The following MEX3D variants were observed in gnomAD, a reference collection of about 807,000 sequenced individuals.
MEX3D encodes the protein mex-3 RNA binding family member D, also known as RNA-binding protein MEX3D.
A neutral mutation model predicts 6.3 loss-of-function variants in MEX3D; 4 were observed. That is an observed-to-expected ratio of 0.64 (90% CI 0.31 to 1.46). The LOEUF is 1.46. Among genes scored for constraint, MEX3D ranks in the 40% most tolerant of loss-of-function variants. The pLI is 0.07. For missense variants in MEX3D, 1,038 were observed against 994.4 expected, an observed-to-expected ratio of 1.04 and a Z score of -0.59; for synonymous variants, 626 against 494.1, an observed-to-expected ratio of 1.27 and a Z score of -3.54.
intron 1 of MEX3D, among the ~76,000 whole-genome samples, chr19:1,557,629 G>A (rs566163684): frequency 2.7e-5 from 4 of 149,506 alleles, no homozygotes; most frequent in Non-Finnish European, 5.9e-5. Flanking sequence ...GGGAGGCCAA[G>A]TTGGGTGGAT....
chr19:1,564,425 A>AG (rs1360937779), intron 1 of MEX3D, among the ~76,000 whole-genome samples: 15 of 147,750 alleles, frequency 1.0e-4, no homozygotes, highest in Admixed American at 2.8e-4. Flanking sequence ...CCCACATACT[A>AG]GGGGGGCTGA....
Position 1,568,072 on chromosome 19 carries a change from G to T in MEX3D, c.-14C>A. 1.0e-6 allele frequency: 1 copy of T among 978,660 alleles called. No individual in the cohort carries two copies. The highest frequency in any genetic ancestry group is 1.2e-6 in the Non-Finnish European group (1 of 827,776). The allele number at this position is 978,660 out of a possible 1,614,324, so 60.6% of individuals were successfully genotyped here. ...CGAGCTGGGCATGGCGGGAGCTAGC[G>T]CTGGGGCCCGCGCTCCTGCCGCCCG... On this transcript the variant is annotated 5_prime_UTR_variant, in exon 1 of 2. Transcript: ENST00000402693.
intron 1 of MEX3D, among the ~76,000 whole-genome samples, chr19:1,559,546 G>A (rs1483463101): frequency 2.6e-5 from 4 of 152,214 alleles, no homozygotes; most frequent in Non-Finnish European, 5.9e-5. Flanking sequence ...GATGACAGGT[G>A]TGGGCCACTG....
In MEX3D at chr19:1,556,135, G is replaced by A. The variant is rs1306126048; in HGVS notation, c.1384C>T (p.Leu462=). 6.1e-6 allele frequency: 9 copies of A among 1,473,042 alleles called. No individual in the cohort carries two copies. The East Asian group carries it at 2.7e-4, about 44-fold the overall frequency. The allele number at this position is 1,473,042 out of a possible 1,614,324, so 91.2% of individuals were successfully genotyped here. A position where few individuals can be genotyped will look rare whatever the true frequency, so the allele number is the denominator to read the frequency against. ...GCCGCGGCGGGCACGGTCAGGTCCA[G>A]CGCCAGGAAGTCGAAGTCGAAGCCG... The part of the protein sequence containing the change: ...DFGFDFDFLA[L]DLTVPAAATI... The change falls in exon 2 of 2, where the codon CTG becomes TTG. Residue 462 remains leucine (L), a synonymous_variant. Transcript: ENST00000402693. This position sits in a 1 kb window ranked among gnomAD's most constrained non-coding sequence, Gnocchi z 7.5.
In MEX3D at chr19:1,555,438, C is replaced by CA. The variant is rs773355424; in HGVS notation, c.*124_*125insT. 3 of 1,476,276 alleles carry CA rather than the reference C, an allele frequency of 2.0e-6. No individual in the cohort carries two copies. The highest frequency in any genetic ancestry group is 2.4e-5 in the South Asian group (2 of 83,390). 91.4% of individuals were successfully genotyped at this position (1,476,276 alleles called of 1,614,324 possible). A position where few individuals can be genotyped will look rare whatever the true frequency, so the allele number is the denominator to read the frequency against. On this transcript the variant is annotated 3_prime_UTR_variant, in exon 2 of 2. Coordinates refer to ENST00000402693, the MANE Select transcript of MEX3D (RefSeq NM_203304.4). ...CTGTAAACACTGGCCGCCGCCCACC[C>CA]CCCTGCCCCCTCGGCCTCCGCCCCT...
chr19:1,557,684 C>A (rs561943896), intron 1 of MEX3D, among the ~76,000 whole-genome samples: 2 of 150,432 alleles, frequency 1.3e-5, no homozygotes, highest in African/African-American at 4.9e-5. Flanking sequence ...CATGGTGAAA[C>A]CCTGTCTCTA....
Position 1,556,438 on chromosome 19 carries a change from C to T in MEX3D, c.1081G>A (p.Val361Ile), listed in dbSNP as rs1914563529. The T allele has an allele frequency of 3.8e-6, 6 of 1,596,234 alleles. No individual in the cohort carries two copies. The highest frequency in any genetic ancestry group is 5.1e-6 in the Non-Finnish European group (6 of 1,177,178). The change falls in exon 2 of 2, where the codon GTC (valine) becomes ATC (isoleucine). Residue 361 changes from valine (V) to isoleucine (I), a missense_variant. Around this residue, in one of 5 missense-constraint regions of MEX3D, gnomAD observed 581 missense variants for 516.2 expected, o/e 1.13. Coordinates refer to ENST00000402693, the MANE Select transcript of MEX3D (RefSeq NM_203304.4). The surrounding 1 kb of genome is among the most constrained non-coding windows in gnomAD (Gnocchi z 7.5). ...GCCGCCCCGAGCAGGTCCAGGCAGA[C>T]GTCGGTGCCGTTGGCGTGGAAGTCG... Reference protein sequence around the residue: ...DSDFHANGTDVCLDLLGAAAS... With the variant: ...DSDFHANGTDICLDLLGAAAS...
At chr19:1,558,765 CCT>C (rs759756136) in intron 1 of MEX3D, among the ~76,000 whole-genome samples, 20 of 152,234 alleles carry the variant, frequency 1.3e-4, no homozygotes, top group Non-Finnish European at 2.5e-4. Flanking sequence ...ACGCCCGCAC[CCT>C]GACTCCAGAT....
At chr19:1,564,743 G>A (rs756670032) in intron 1 of MEX3D, among the ~76,000 whole-genome samples, 7 of 152,076 alleles carry the variant, frequency 4.6e-5, no homozygotes, top group Non-Finnish European at 8.8e-5. Flanking sequence ...AGGTGGGGAG[G>A]CCGGACAGGT....
chr19:1,568,148 G>C lies in MEX3D; in HGVS notation c.-90C>G, dbSNP rs1914904646. ...CTCCGCCTCTGCGAGCTGGGCCGCC[G>C]GCCGCCTGCATCCAGCGGCGGGGGC... On this transcript the variant is annotated 5_prime_UTR_variant, in exon 1 of 2. Coordinates refer to ENST00000402693, the MANE Select transcript of MEX3D (RefSeq NM_203304.4). 6 of 972,646 alleles carry C rather than the reference G, an allele frequency of 6.2e-6. No homozygotes were observed. Among genetic ancestry groups the C allele is most frequent in the South Asian group, 4.7e-5 (1 of 21,484 alleles). The allele number at this position is 972,646 out of a possible 1,614,324, so 60.3% of individuals were successfully genotyped here. A position where few individuals can be genotyped will look rare whatever the true frequency, so the allele number is the denominator to read the frequency against.
At position 1,555,245 on chromosome 19, in the gene MEX3D, C is replaced by T. The variant is rs182474457; in HGVS notation, c.*318G>A. On this transcript the variant is annotated 3_prime_UTR_variant, in exon 2 of 2. Transcript: ENST00000402693. Reference sequence around the variant, plus strand: ...TTTGTTTTGCTTTTTTAAAGATCACCCTGGAGGGGAGGGGTGTCTAAAAAT... The same window carrying T: ...TTTGTTTTGCTTTTTTAAAGATCACTCTGGAGGGGAGGGGTGTCTAAAAAT... 5.0e-3 allele frequency: 6,791 copies of T among 1,370,012 alleles called. 560 individuals carry two copies. In the Admixed American group the frequency reaches 0.13, roughly 27 times the overall value. 84.9% of individuals were successfully genotyped at this position (1,370,012 alleles called of 1,614,324 possible). A position where few individuals can be genotyped will look rare whatever the true frequency, so the allele number is the denominator to read the frequency against.
In MEX3D at chr19:1,555,458, G is replaced by A. The variant is rs1455708008; in HGVS notation, c.*105C>T. ...CCACCCCCCTGCCCCCTCGGCCTCCGCCCCTCGCCCCCTCCCCGTCCCTCT... is the reference window on the plus strand; with the variant it reads ...CCACCCCCCTGCCCCCTCGGCCTCCACCCCTCGCCCCCTCCCCGTCCCTCT... On this transcript the variant is annotated 3_prime_UTR_variant, in exon 2 of 2. Transcript: ENST00000402693. 3 of 684,466 alleles carry A rather than the reference G, an allele frequency of 4.4e-6. No individual in the cohort carries two copies. Among genetic ancestry groups the A allele is most frequent in the East Asian group, 7.8e-5 (1 of 12,808 alleles). 42.4% of individuals were successfully genotyped at this position (684,466 alleles called of 1,614,324 possible).
At chr19:1,564,668 A>G (rs1447055439) in intron 1 of MEX3D, among the ~76,000 whole-genome samples, 1 of 152,052 alleles carries the variant, frequency 6.6e-6, no homozygotes, top group Non-Finnish European at 1.5e-5. Flanking sequence ...AGAGAACTGA[A>G]GCTCAGAGAA....
Position 1,568,198 on chromosome 19 carries a change from G to A in MEX3D, c.-140C>T. 2 of 459,988 alleles carry A rather than the reference G, an allele frequency of 4.3e-6. No individual in the cohort carries two copies. The highest frequency in any genetic ancestry group is 5.6e-6 in the Non-Finnish European group (2 of 360,338). 28.5% of individuals were successfully genotyped at this position (459,988 alleles called of 1,614,324 possible). A position where few individuals can be genotyped will look rare whatever the true frequency, so the allele number is the denominator to read the frequency against. On this transcript the variant is annotated 5_prime_UTR_variant, in exon 1 of 2. Coordinates refer to ENST00000402693, the MANE Select transcript of MEX3D (RefSeq NM_203304.4). ...CGGGCACGGGGGGCCGGGCGGGCGG[G>A]GCGGCGGCGGCGCGGGGCTGCTCGG... is the stretch of plus-strand genomic sequence containing the variant.
Position 1,565,723 on chromosome 19 carries a change from G to A in MEX3D, c.595+1741C>T, listed in dbSNP as rs149873761. Among the ~76,000 whole-genome samples, 664 of 152,262 alleles carry A rather than the reference G, an allele frequency of 4.4e-3. 4 individuals are homozygous for A. The highest frequency in any genetic ancestry group is 7.0e-3 in the Non-Finnish European group (476 of 68,006). ...GTACCCCAGGGCCTGCCTTGCTGACGGCCACCAGCAAGAGCCCAGTAAGTG... is the reference window on the plus strand; with the variant it reads ...GTACCCCAGGGCCTGCCTTGCTGACAGCCACCAGCAAGAGCCCAGTAAGTG... On this transcript the variant is annotated intron_variant, in intron 1 of 1. Coordinates refer to ENST00000402693, the MANE Select transcript of MEX3D (RefSeq NM_203304.4).
Position 1,568,272 on chromosome 19 carries a change from C to T in MEX3D, c.-214G>A, listed in dbSNP as rs1300495226. Among the ~76,000 whole-genome samples, 5 of 138,120 alleles carry T rather than the reference C, an allele frequency of 3.6e-5. No individual in the cohort carries two copies. The highest frequency in any genetic ancestry group is 2.1e-4 in the Admixed American group (3 of 14,108). 90.6% of individuals were successfully genotyped at this position (138,120 alleles called of 152,430 possible). On this transcript the variant is annotated 5_prime_UTR_variant, in exon 1 of 2. Coordinates refer to ENST00000402693, the MANE Select transcript of MEX3D (RefSeq NM_203304.4). ...GGCGGCAGCGACTCTGGCTGCGGCT[C>T]GGCGGCGGCGGCGACGGCGGCGGCG...
At chr19:1,565,149 T>A (rs978665880) in intron 1 of MEX3D, among the ~76,000 whole-genome samples, 3 of 151,964 alleles carry the variant, frequency 2.0e-5, no homozygotes, top group Non-Finnish European at 2.9e-5. Context: ...CCCCAGCACT[T>A]TGGGTGGCTG....
rs756848078 is a variant in MEX3D at position 1,556,586 on chromosome 19, C to T, written c.933G>A (p.Gly311=). Residue 311 remains glycine, a synonymous_variant, in exon 2 of 2, where the codon GGG becomes GGA. Coordinates refer to ENST00000402693, the MANE Select transcript of MEX3D (RefSeq NM_203304.4). This position sits in a 1 kb window ranked among gnomAD's most constrained non-coding sequence, Gnocchi z 7.5. The part of the protein sequence containing the change: ...QRTHTYIVTP[G]RDKEPVFAVT... The stretch of plus-strand genomic sequence containing the variant: ...CCGCGAACACCGGCTCCTTGTCGCG[C>T]CCGGGCGTCACGATGTAGGTGTGCG... The T allele has an allele frequency of 3.7e-6, 6 of 1,609,382 alleles. No homozygotes were observed. The South Asian group carries it at 4.4e-5, about 12-fold the overall frequency.
Position 1,555,949 on chromosome 19 carries a change from G to A in MEX3D, c.1570C>T (p.Arg524Cys), listed in dbSNP as rs772725274. Residue 524 changes from arginine to cysteine, a missense_variant, in exon 2 of 2, where the codon CGC becomes TGC. Arg to Cys is a radical substitution (Grantham distance 180). Transcript: ENST00000402693. ...SPTLPEPGGL[R>C]LELPLSRRGA... ...CGGCGAGACAGCGGGAGCTCCAGGC[G>A]GAGGCCGCCGGGCTCGGGCAGCGTG... 6.8e-5 allele frequency: 80 copies of A among 1,172,478 alleles called. No individual in the cohort carries two copies. Among genetic ancestry groups the A allele is most frequent in the Middle Eastern group, 3.6e-4 (1 of 2,816 alleles). The allele number at this position is 1,172,478 out of a possible 1,614,324, so 72.6% of individuals were successfully genotyped here. A position where few individuals can be genotyped will look rare whatever the true frequency, so the allele number is the denominator to read the frequency against.
Sources: gnomAD v4.1 joint callset for allele counts (sites outside exome capture counted in the v4.1 genomes callset) on GRCh38, gnomAD v4.1.1 for gene constraint, gnomAD v4.1.1 regional missense constraint, Gnocchi (gnomAD v3.1) non-coding constraint, MANE v1.5 for transcripts, NCBI Gene and HGNC (gene_info 2026-07-23, HGNC 2026-07-21) for gene names.